Variants in ANKMY1 observed in about 807,000 individuals in gnomAD.
The protein encoded by ANKMY1 is ankyrin repeat and MYND domain-containing protein 1.
Under a neutral mutation model 102.0 loss-of-function variants are expected in ANKMY1, and 98 were observed. The observed-to-expected ratio is 0.96, with a 90% confidence interval of 0.82 to 1.14. ANKMY1 has a LOEUF of 1.14. Among genes scored for constraint, ANKMY1 ranks in the 50% most tolerant of loss-of-function variants. The probability of loss-of-function intolerance (pLI) is 0.00; values close to 1 mark genes in which losing one functional copy is unlikely to be tolerated. For missense variants in ANKMY1, 1,330 were observed against 1,347.6 expected (o/e 0.99, Z 0.20); for synonymous variants, 582 against 559.9 (o/e 1.04, Z -0.56).
chr2:240,486,465 G>C (rs2076072319), intron 15 of ANKMY1, among the ~76,000 whole-genome samples: 1 of 152,022 alleles, frequency 6.6e-6, no homozygotes, highest in Admixed American at 6.6e-5. Flanking sequence ...AATGCTCTTT[G>C]TTCATGTGTA....
intron 12 of ANKMY1, 100 bp downstream of exon 12, chr2:240,509,248 A>ATAC: frequency 4.1e-6 from 3 of 722,956 alleles, no homozygotes; most frequent in East Asian, 3.7e-5. Context: ...TGGATGGATA[A>ATAC]ATGGCCAACA....
Position 240,499,944 on chromosome 2 carries a change from G to A in ANKMY1, c.2806+14C>T, listed in dbSNP as rs765864679. 3.7e-6 allele frequency: 6 copies of A among 1,608,178 alleles called. No individual in the cohort carries two copies. The highest frequency in any genetic ancestry group is 4.2e-6 in the Non-Finnish European group (5 of 1,176,740). On this transcript the variant is annotated intron_variant, in intron 15 of 17. Coordinates refer to ENST00000401804, the MANE Select transcript of ANKMY1 (RefSeq NM_001282771.3). This position sits in a 1 kb window ranked among gnomAD's most constrained non-coding sequence, Gnocchi z 4.2. ...CGCCCTGTGGAGCAGAGCAGAGCAG[G>A]GCCCACTGCTCACCTCTCTTGCACA...
intron 15 of ANKMY1, among the ~76,000 whole-genome samples, chr2:240,491,805 G>T (rs2076687052): frequency 6.6e-6 from 1 of 151,972 alleles, no homozygotes; most frequent in Non-Finnish European, 1.5e-5. Flanking sequence ...TCCTTTATGG[G>T]TGACTAGATG....
intron 15 of ANKMY1, among the ~76,000 whole-genome samples, chr2:240,484,583 C>A (rs2075825798): frequency 6.6e-6 from 1 of 152,126 alleles, no homozygotes; most frequent in South Asian, 2.1e-4. Context: ...AATGTAAGAC[C>A]TAAAGCCATA....
intron 1 of ANKMY1, 138 bp downstream of exon 1, chr2:240,557,743 C>T (rs369003544): frequency 1.4e-5 from 7 of 509,962 alleles, no homozygotes; most frequent in African/African-American, 1.2e-4. Context: ...CCGCGCCCAC[C>T]TAACCCCACG....
chr2:240,501,716 TG>T (rs1194474294), intron 13 of ANKMY1, among the ~76,000 whole-genome samples: 1 of 152,218 alleles, frequency 6.6e-6, no homozygotes, highest in Non-Finnish European at 1.5e-5. Context: ...CCAGGCACAG[TG>T]CGGGACGGTG....
At chr2:240,549,575 G>A (rs1225033399) in intron 4 of ANKMY1, among the ~76,000 whole-genome samples, 1 of 152,044 alleles carries the variant, frequency 6.6e-6, no homozygotes, top group Non-Finnish European at 1.5e-5. Context: ...GAGTAAACAG[G>A]CAACCTACAA....
rs952398265 is a variant in ANKMY1, at chr2:240,499,725, A to G, written c.2806+233T>C. On this transcript the variant is annotated intron_variant, in intron 15 of 17. Coordinates refer to ENST00000401804, the MANE Select transcript of ANKMY1 (RefSeq NM_001282771.3). The surrounding 1 kb of genome is among the most constrained non-coding windows in gnomAD (Gnocchi z 4.2). ...CCCCTCTGACCTGGGCCCTGGCCCT[A>G]GGCCACCAACTCCTCTTCCCAGGGA... Among the ~76,000 whole-genome samples the G allele has an allele frequency of 3.3e-5, 5 of 151,972 alleles. No individual in the cohort carries two copies. The highest frequency in any genetic ancestry group is 5.9e-5 in the Non-Finnish European group (4 of 67,944).
intron 6 of ANKMY1, 161 bp from the exon 7 acceptor site, chr2:240,526,010 T>A: frequency 9.8e-7 from 1 of 1,025,422 alleles, no homozygotes; most frequent in Non-Finnish European, 1.4e-6. Flanking sequence ...GACAGAGGAA[T>A]GGAACAGGCA....
At chr2:240,536,721 C>G (rs1358497909) in intron 4 of ANKMY1, among the ~76,000 whole-genome samples, 1 of 152,090 alleles carries the variant, frequency 6.6e-6, no homozygotes, top group Admixed American at 6.6e-5. Context: ...ATTAGACAGT[C>G]AAAAAATATA....
intron 9 of ANKMY1, among the ~76,000 whole-genome samples, chr2:240,516,862 A>T (rs1404098095): frequency 6.6e-6 from 1 of 152,232 alleles, no homozygotes; most frequent in Non-Finnish European, 1.5e-5. Flanking sequence ...GACTGCATGG[A>T]CTGAGGTAAC....
intron 4 of ANKMY1, among the ~76,000 whole-genome samples, chr2:240,543,334 T>TA (rs1168431164): frequency 6.7e-6 from 1 of 149,188 alleles, no homozygotes; most frequent in Non-Finnish European, 1.5e-5. Context: ...GCCTGGGTGA[T>TA]AGAGCGAGAC....
chr2:240,481,012 T>C lies in ANKMY1; in HGVS notation c.2971A>G (p.Thr991Ala). ...TTGGTCTTGCAGTACTTGCTGCAGG[T>C]CAGGATCCCGTAGCAGCGAGGGCAG... is the stretch of plus-strand genomic sequence containing the variant. ...LPCPRCYGILTCSKYCKTKAW... is the reference protein window; with the variant it reads ...LPCPRCYGILACSKYCKTKAW... The change falls in exon 17 of 18, where the codon ACC (threonine) becomes GCC (alanine). Residue 991 changes from threonine to alanine, a missense_variant. By Grantham distance (58) the Thr-to-Ala change is moderately conservative (BLOSUM62 0). Transcript: ENST00000401804. 2 of 1,613,982 alleles carry C rather than the reference T, an allele frequency of 1.2e-6. No individual in the cohort carries two copies. The highest frequency in any genetic ancestry group is 1.7e-6 in the Non-Finnish European group (2 of 1,179,916).
chr2:240,487,020 C>A (rs967232181), intron 15 of ANKMY1, among the ~76,000 whole-genome samples: 1 of 152,154 alleles, frequency 6.6e-6, no homozygotes, highest in African/African-American at 2.4e-5. Context: ...GAATAAAATA[C>A]ATTTTTGTTA....
chr2:240,560,129 T>A (rs1252492188), upstream of ANKMY1: 1 of 152,408 alleles, frequency 6.6e-6, no homozygotes, highest in Non-Finnish European at 1.5e-5. Context: ...TAGAAAAAAA[T>A]GCACCAATTA....
Position 240,511,957 on chromosome 2 carries a change from GC to G in ANKMY1, c.2189del (p.Gly730AlafsTer38). On this transcript the variant is annotated frameshift_variant, in exon 11 of 18. Coordinates refer to ENST00000401804, the MANE Select transcript of ANKMY1 (RefSeq NM_001282771.3). LOFTEE classifies it high-confidence loss of function. ...CCGTGCTGTAGTAGGCTTGGGGAGG[GC>G]CTGGCTCATTGCTGAGCTTCAGACT... is the stretch of plus-strand genomic sequence containing the variant. ...PSSLKLSNEP[G>X]PPQAYYSTDT... The G allele has an allele frequency of 3.8e-6, 6 of 1,565,882 alleles. No homozygotes were observed. The highest frequency in any genetic ancestry group is 5.2e-6 in the Non-Finnish European group (6 of 1,164,530).
intron 5 of ANKMY1, 92 bp downstream of exon 5, chr2:240,528,945 T>A: frequency 8.5e-7 from 1 of 1,169,962 alleles, no homozygotes; most frequent in South Asian, 1.4e-5. Context: ...GGGAGCACTG[T>A]CAGTGGCAGC....
At chr2:240,551,118 G>A (rs1054350875) in intron 4 of ANKMY1, among the ~76,000 whole-genome samples, 36 of 151,876 alleles carry the variant, frequency 2.4e-4, no homozygotes, top group African/African-American at 8.7e-4. Flanking sequence ...TGACTGCATG[G>A]ACTCAGCTAA....
At chr2:240,507,521 ACCC>A in intron 13 of ANKMY1, 36 bp downstream of exon 13, 1 of 1,509,626 alleles carries the variant, frequency 6.6e-7, no homozygotes, top group Non-Finnish European at 8.9e-7. Flanking sequence ...CCACCCTCAA[ACCC>A]CCTCACCAGG....
Sources: allele counts gnomAD v4.1 joint callset (sites outside exome capture counted in the v4.1 genomes callset), GRCh38; gene constraint gnomAD v4.1.1; non-coding constraint Gnocchi (gnomAD v3.1); transcripts MANE v1.5; gene names NCBI Gene and HGNC (gene_info 2026-07-23, HGNC 2026-07-21).